SPOCK1: variants seen among roughly 807,000 people sequenced by gnomAD.
SPOCK1 encodes SPARC (osteonectin), cwcv and kazal like domains proteoglycan 1.
A neutral mutation model predicts 55.3 loss-of-function variants in SPOCK1; 23 were observed. The ratio of observed to expected loss-of-function variants is 0.42; its 90% CI spans 0.30 to 0.59. SPOCK1 has a LOEUF of 0.59. Ranked by LOEUF, SPOCK1 falls within the 20% of genes least tolerant of loss-of-function variation. The pLI, the probability that SPOCK1 is intolerant of heterozygous loss-of-function variation, is 0.22. For missense variants in SPOCK1, 499 were observed against 552.5 expected (o/e 0.90, Z 0.97); for synonymous variants, 226 against 221.0 (o/e 1.02, Z -0.20).
At chr5:137,107,168 G>C (rs1011599276) in intron 5 of SPOCK1, among the ~76,000 whole-genome samples, 1 of 152,104 alleles carries the variant, frequency 6.6e-6, no homozygotes, top group Non-Finnish European at 1.5e-5. Flanking sequence ...TTTTCAATTT[G>C]TCTACCTTCC....
intron 2 of SPOCK1, among the ~76,000 whole-genome samples, chr5:137,282,003 G>A (rs1245594749): frequency 6.6e-6 from 1 of 152,170 alleles, no homozygotes; most frequent in Non-Finnish European, 1.5e-5. Flanking sequence ...AAGTGACTCT[G>A]GACAAGCATT....
intron 2 of SPOCK1, among the ~76,000 whole-genome samples, chr5:137,443,071 C>A (rs976970244): frequency 6.6e-6 from 1 of 152,076 alleles, no homozygotes; most frequent in African/African-American, 2.4e-5. Context: ...CACCACCATT[C>A]CCATGGGGTG....
intron 6 of SPOCK1, among the ~76,000 whole-genome samples, chr5:137,045,204 C>T (rs1371840726): frequency 6.8e-6 from 1 of 146,726 alleles, no homozygotes; most frequent in Admixed American, 6.8e-5. Context: ...TTCTAGATCC[C>T]TGAGGAATCG....
intron 6 of SPOCK1, among the ~76,000 whole-genome samples, chr5:137,044,007 T>A (rs963774212): frequency 2.0e-5 from 3 of 152,194 alleles, no homozygotes; most frequent in African/African-American, 7.2e-5. Flanking sequence ...TCTACTATCT[T>A]TGCAATATTT....
At chr5:137,437,987 C>A (rs900095343) in intron 2 of SPOCK1, among the ~76,000 whole-genome samples, 5 of 152,160 alleles carry the variant, frequency 3.3e-5, no homozygotes, top group African/African-American at 1.2e-4. Flanking sequence ...CTCTAAGTAT[C>A]TCATATAAGT....
chr5:137,377,472 T>C (rs1751343931), intron 2 of SPOCK1, among the ~76,000 whole-genome samples: 1 of 152,240 alleles, frequency 6.6e-6, no homozygotes, highest in Non-Finnish European at 1.5e-5. Flanking sequence ...GATACTGGGC[T>C]TCTTGTCTAT....
chr5:137,436,548 A>T (rs570641154), intron 2 of SPOCK1, among the ~76,000 whole-genome samples: 117 of 152,272 alleles, frequency 7.7e-4, no homozygotes, highest in African/African-American at 2.8e-3. Context: ...AATCTCCTCT[A>T]TTATGCATCA....
At chr5:137,116,066 A>C (rs912149980) in intron 4 of SPOCK1, among the ~76,000 whole-genome samples, 8 of 152,154 alleles carry the variant, frequency 5.3e-5, no homozygotes, top group Admixed American at 3.3e-4. Context: ...GCCTTCTCTC[A>C]TTGGCCAGCG....
chr5:137,192,685 A>G (rs1755207450), intron 3 of SPOCK1, among the ~76,000 whole-genome samples: 1 of 152,248 alleles, frequency 6.6e-6, no homozygotes, highest in Admixed American at 6.5e-5. Context: ...ATCAACAGAA[A>G]GATGGACAAA....
intron 3 of SPOCK1, among the ~76,000 whole-genome samples, chr5:137,142,322 C>G (rs1754115912): frequency 6.6e-6 from 1 of 152,224 alleles, no homozygotes; most frequent in Non-Finnish European, 1.5e-5. Flanking sequence ...TCTCCTCCTG[C>G]CCAGGCCCAG....
At chr5:137,445,123 A>G (rs747310494) in intron 2 of SPOCK1, among the ~76,000 whole-genome samples, 17 of 152,160 alleles carry the variant, frequency 1.1e-4, no homozygotes, top group Admixed American at 2.0e-4. Context: ...AGGAAAGTCC[A>G]CTGCCCACCT....
In SPOCK1 at chr5:137,290,438, A is replaced by G. The variant is rs577955033; in HGVS notation, c.187-23383T>C. On this transcript the variant is annotated intron_variant, in intron 2 of 10. Transcript: ENST00000394945. ...AAGTTAGAACAGCAGTATCCTTTGG[A>G]AACAAGGGAGGTGAAAGGAGTCAGG... Among the ~76,000 whole-genome samples the G allele has an allele frequency of 2.0e-5, 3 of 152,342 alleles. No homozygotes were observed. The East Asian group carries it at 5.8e-4, about 29-fold the overall frequency.
At chr5:137,314,374 C>T (rs1200392848) in intron 2 of SPOCK1, among the ~76,000 whole-genome samples, 2 of 152,128 alleles carry the variant, frequency 1.3e-5, no homozygotes, top group South Asian at 2.1e-4. Flanking sequence ...AGTATCTCCA[C>T]CAGCTTCTGT....
At chr5:137,467,884 A>T (rs377394947) in intron 2 of SPOCK1, among the ~76,000 whole-genome samples, 68 of 152,348 alleles carry the variant, frequency 4.5e-4, no homozygotes, top group African/African-American at 1.5e-3. Context: ...TCTCAACTAA[A>T]TTAAATTCAA....
intron 2 of SPOCK1, among the ~76,000 whole-genome samples, chr5:137,343,340 A>G (rs768394425): frequency 6.6e-5 from 10 of 152,206 alleles, no homozygotes; most frequent in Non-Finnish European, 1.5e-4. Context: ...GCTCACCCAG[A>G]GCAGAAGAGG....
intron 7 of SPOCK1, among the ~76,000 whole-genome samples, chr5:136,989,795 G>C (rs1265081636): frequency 1.3e-5 from 2 of 152,146 alleles, no homozygotes; most frequent in African/African-American, 2.4e-5. Context: ...CAGTGCAAGG[G>C]GGGGCCTGAT....
chr5:137,435,305 T>C (rs1405527991), intron 2 of SPOCK1, among the ~76,000 whole-genome samples: 2 of 152,230 alleles, frequency 1.3e-5, no homozygotes, highest in Non-Finnish European at 2.9e-5. Flanking sequence ...ATGGCATTCA[T>C]TGACTCGTTA....
chr5:137,148,330 AT>A (rs1754245289), intron 3 of SPOCK1, among the ~76,000 whole-genome samples: 1 of 152,222 alleles, frequency 6.6e-6, no homozygotes, highest in Non-Finnish European at 1.5e-5. Flanking sequence ...GGTAATTTAC[AT>A]GTCCTGATCA....
chr5:137,111,429 C>T (rs570699959), intron 5 of SPOCK1, among the ~76,000 whole-genome samples: 1 of 152,150 alleles, frequency 6.6e-6, no homozygotes, highest in South Asian at 2.1e-4. Context: ...GGCAAGAGCT[C>T]TACTCCCACC....
Sources: allele counts gnomAD v4.1 joint callset (sites outside exome capture counted in the v4.1 genomes callset), GRCh38; gene constraint gnomAD v4.1.1; transcripts MANE v1.5; gene names NCBI Gene and HGNC (gene_info 2026-07-23, HGNC 2026-07-21).